Variants in PARD3B observed in about 807,000 individuals in gnomAD.
PARD3B encodes par-3 family cell polarity regulator beta.
A neutral mutation model predicts 130.2 loss-of-function variants in PARD3B; 103 were observed. That is an observed-to-expected ratio of 0.79 (90% confidence interval 0.67 to 0.93). The LOEUF (loss-of-function observed/expected upper bound fraction) is 0.93, where lower values mean the gene tolerates loss of function less well. Ranked by LOEUF, PARD3B falls within the 40% of genes least tolerant of loss-of-function variation. PARD3B has a pLI of 0.00. For missense variants in PARD3B, 1,609 were observed against 1,499.2 expected, an observed-to-expected ratio of 1.07 and a Z score of -1.21; for synonymous variants, 583 against 553.2, an observed-to-expected ratio of 1.05 and a Z score of -0.76.
chr2:205,363,440 T>G (rs2044471877), intron 18 of PARD3B, among the ~76,000 whole-genome samples: 1 of 152,162 alleles, frequency 6.6e-6, no homozygotes, highest in Admixed American at 6.5e-5. Flanking sequence ...GTCAACAAAT[T>G]GACTAAGACA....
At chr2:205,380,476 TTA>T (rs1224022223) in intron 18 of PARD3B, among the ~76,000 whole-genome samples, 3 of 47,536 alleles carry the variant, frequency 6.3e-5, no homozygotes, top group Admixed American at 4.4e-4. Flanking sequence ...AGAATATATA[TTA>T]TATATAATAT....
chr2:205,396,159 T>C (rs556481797), intron 18 of PARD3B, among the ~76,000 whole-genome samples: 5 of 152,352 alleles, frequency 3.3e-5, no homozygotes, highest in East Asian at 3.9e-4. Flanking sequence ...CTCACTCTTA[T>C]ATTCTCAGCT....
intron 16 of PARD3B, among the ~76,000 whole-genome samples, chr2:205,275,853 A>G (rs1199270299): frequency 6.6e-6 from 1 of 151,404 alleles, no homozygotes; most frequent in East Asian, 1.9e-4. Context: ...AAAAAAAAAA[A>G]AAAAAAAAAG....
chr2:205,283,511 T>C (rs2041270453), intron 16 of PARD3B, among the ~76,000 whole-genome samples: 1 of 152,198 alleles, frequency 6.6e-6, no homozygotes, highest in Non-Finnish European at 1.5e-5. Context: ...TCAAACATTC[T>C]TATGAATTCA....
At chr2:204,636,092 T>G (rs1387228997) in intron 1 of PARD3B, among the ~76,000 whole-genome samples, 1 of 152,100 alleles carries the variant, frequency 6.6e-6, no homozygotes, top group Non-Finnish European at 1.5e-5. Flanking sequence ...ATTAATTAAA[T>G]ATTTTAATTT....
chr2:205,500,619 G>T (rs2050123486), intron 21 of PARD3B, among the ~76,000 whole-genome samples: 1 of 152,130 alleles, frequency 6.6e-6, no homozygotes, highest in African/African-American at 2.4e-5. Context: ...AGAGTGGCAC[G>T]ATTCACTCTC....
intron 15 of PARD3B, among the ~76,000 whole-genome samples, chr2:205,240,621 A>T (rs944325083): frequency 6.6e-6 from 1 of 152,180 alleles, no homozygotes; most frequent in Non-Finnish European, 1.5e-5. Context: ...GGCAATTTTT[A>T]TCTGAAGAGA....
intron 2 of PARD3B, among the ~76,000 whole-genome samples, chr2:204,730,589 A>G (rs1281760383): frequency 6.6e-6 from 1 of 151,840 alleles, no homozygotes; most frequent in Non-Finnish European, 1.5e-5. Flanking sequence ...AAAAAAGAAA[A>G]AAAAAAAAAG....
chr2:205,073,013 A>C (rs901607611), intron 4 of PARD3B, among the ~76,000 whole-genome samples: 1 of 152,268 alleles, frequency 6.6e-6, no homozygotes, highest in South Asian at 2.1e-4. Context: ...TATCTTCATA[A>C]ATTTTAATAT....
At chr2:204,667,129 G>A (rs1266706702) in intron 1 of PARD3B, among the ~76,000 whole-genome samples, 1 of 152,118 alleles carries the variant, frequency 6.6e-6, no homozygotes. Context: ...ACTTAATCAT[G>A]GGTGTTATAA....
chr2:205,137,282 C>T (rs1437386688), intron 10 of PARD3B, among the ~76,000 whole-genome samples: 4 of 151,778 alleles, frequency 2.6e-5, no homozygotes, highest in Non-Finnish European at 5.9e-5. Flanking sequence ...TAGATAGATT[C>T]GAAGAAGCAA....
chr2:205,528,461 C>G (rs2051433080), intron 21 of PARD3B, among the ~76,000 whole-genome samples: 1 of 152,142 alleles, frequency 6.6e-6, no homozygotes. Context: ...ATTCTCATCT[C>G]CAGCCTCTTC....
chr2:205,203,613 C>T (rs891555717), intron 15 of PARD3B, among the ~76,000 whole-genome samples: 1 of 152,082 alleles, frequency 6.6e-6, no homozygotes, highest in African/African-American at 2.4e-5. Flanking sequence ...TGCTCCCACC[C>T]CCCAACAGGC....
chr2:204,815,988 G>T (rs564133056), intron 2 of PARD3B, among the ~76,000 whole-genome samples: 2 of 152,078 alleles, frequency 1.3e-5, no homozygotes, highest in East Asian at 1.9e-4. Flanking sequence ...TTTTTCAGGT[G>T]TGCTATCTTG....
chr2:204,640,159 T>C (rs779032407), intron 1 of PARD3B, among the ~76,000 whole-genome samples: 2 of 151,974 alleles, frequency 1.3e-5, no homozygotes, highest in Non-Finnish European at 1.5e-5. Context: ...GAGGCTGATA[T>C]AGGAGAATCA....
At chr2:205,085,796 T>C (rs1438300291) in intron 4 of PARD3B, among the ~76,000 whole-genome samples, 2 of 152,124 alleles carry the variant, frequency 1.3e-5, no homozygotes, top group Admixed American at 1.3e-4. Context: ...TATTTGAAGG[T>C]ATTTAATTTT....
chr2:205,428,192 G>C (rs1229807232), intron 19 of PARD3B, among the ~76,000 whole-genome samples: 2 of 151,982 alleles, frequency 1.3e-5, no homozygotes, highest in Non-Finnish European at 1.5e-5. Flanking sequence ...AGACCATCCT[G>C]GCCAACATGG....
At chr2:205,174,803 A>G (rs1489331020) in intron 12 of PARD3B, among the ~76,000 whole-genome samples, 1 of 152,210 alleles carries the variant, frequency 6.6e-6, no homozygotes, top group Admixed American at 6.5e-5. Flanking sequence ...CATTACCCAG[A>G]TGTACAAGAT....
chr2:205,419,444 A>T (rs908958789), intron 19 of PARD3B, among the ~76,000 whole-genome samples: 1 of 152,208 alleles, frequency 6.6e-6, no homozygotes, highest in African/African-American at 2.4e-5. Flanking sequence ...GTGAAAACAG[A>T]CTAATACAAG....
Sources: allele counts gnomAD v4.1 joint callset (sites outside exome capture counted in the v4.1 genomes callset), GRCh38; gene constraint gnomAD v4.1.1; transcripts MANE v1.5; gene names NCBI Gene and HGNC (gene_info 2026-07-23, HGNC 2026-07-21).